Variants in NISCH observed in about 807,000 individuals in gnomAD.
NISCH encodes nischarin.
Under a neutral mutation model 138.4 loss-of-function variants are expected in NISCH, and 55 were observed. The observed-to-expected ratio is 0.40, with a 90% confidence interval of 0.32 to 0.50. The LOEUF is 0.50. Ranked by LOEUF, NISCH falls within the 20% of genes least tolerant of loss-of-function variation. The probability of loss-of-function intolerance (pLI) is 0.71; values close to 1 mark genes in which losing one functional copy is unlikely to be tolerated. For synonymous variants in NISCH, 860 were observed against 861.5 expected (o/e 1.00, Z 0.03); for missense variants, 1,643 against 2,005.5 (o/e 0.82, Z 3.45).
chr3:52,472,370 C>G lies in NISCH; in HGVS notation c.641C>G (p.Ser214Ter). 1 of 1,614,170 alleles carries G rather than the reference C, an allele frequency of 6.2e-7. No homozygotes were observed. The highest frequency in any genetic ancestry group is 8.5e-7 in the Non-Finnish European group (1 of 1,180,028). The change falls in exon 6 of 21, where the codon TCA becomes TGA. Residue 214 changes from serine (S) to a stop codon, truncating the protein, a stop_gained. Coordinates refer to ENST00000345716, the MANE Select transcript of NISCH (RefSeq NM_007184.4). LOFTEE classifies it high-confidence loss of function. ...IQEQLLPFDL[S>*]IFKSLHQVEI... The stretch of plus-strand genomic sequence containing the variant: ...GAGCAGCTCCTGCCGTTCGACCTAT[C>G]AATATTCAAGTCCCTGCATCAGGTG...
At chr3:52,472,659 T>G (rs1194184333) in intron 6 of NISCH, among the ~76,000 whole-genome samples, 1 of 152,184 alleles carries the variant, frequency 6.6e-6, no homozygotes, top group Non-Finnish European at 1.5e-5. Context: ...CCTGGCTCAT[T>G]CTAGGACTCC....
chr3:52,487,777 G>A lies in NISCH; in HGVS notation c.2285G>A (p.Cys762Tyr). 6.2e-6 allele frequency: 10 copies of A among 1,613,558 alleles called. No individual in the cohort carries two copies. The highest frequency in any genetic ancestry group is 8.5e-6 in the Non-Finnish European group (10 of 1,179,964). The change falls in exon 16 of 21, where the codon TGC becomes TAC. Residue 762 changes from cysteine to tyrosine, a missense_variant. Physicochemically the swap from Cys to Tyr is radical, Grantham distance 194. Coordinates refer to ENST00000345716, the MANE Select transcript of NISCH (RefSeq NM_007184.4). This position sits in a 1 kb window ranked among gnomAD's most constrained non-coding sequence, Gnocchi z 9.1. ...HILSSLRFVFCFPHGDLTEFG... is the reference protein window; with the variant it reads ...HILSSLRFVFYFPHGDLTEFG... Reference sequence around the variant, plus strand: ...CTCTCCTCCCTGCGCTTTGTCTTTTGCTTCCCGCATGGCGACCTCACCGAG... The same window carrying A: ...CTCTCCTCCCTGCGCTTTGTCTTTTACTTCCCGCATGGCGACCTCACCGAG...
At chr3:52,461,851 A>G (rs1019440016) in intron 3 of NISCH, among the ~76,000 whole-genome samples, 7 of 151,508 alleles carry the variant, frequency 4.6e-5, no homozygotes, top group Admixed American at 2.0e-4. Flanking sequence ...CGACAGAGCA[A>G]GACTCCGTCA....
rs1239467798 is a variant in NISCH, at chr3:52,478,515, C to G, written c.1240C>G (p.Leu414Val). 1 of 1,614,242 alleles carries G rather than the reference C, an allele frequency of 6.2e-7. No individual in the cohort carries two copies. Among genetic ancestry groups the G allele is most frequent in the Non-Finnish European group, 8.5e-7 (1 of 1,180,042 alleles). ...LEHVSLLNNP[L>V]SIIPDYRTKV... Reference sequence around the variant, plus strand: ...GCACGTGTCTCTGCTGAACAACCCTCTGAGCATCATCCCCGACTACCGGAC... The same window carrying G: ...GCACGTGTCTCTGCTGAACAACCCTGTGAGCATCATCCCCGACTACCGGAC... The change falls in exon 11 of 21, where the codon CTG (leucine) becomes GTG (valine). Residue 414 changes from leucine to valine, a missense_variant. Leu to Val is a conservative substitution (Grantham distance 32). Transcript: ENST00000345716.
Position 52,488,423 on chromosome 3 carries a change from G to A in NISCH, c.2931G>A (p.Gly977=). 1.2e-6 allele frequency: 2 copies of A among 1,613,790 alleles called. No homozygotes were observed. The highest frequency in any genetic ancestry group is 8.5e-7 in the Non-Finnish European group (1 of 1,180,018). Residue 977 remains glycine, a synonymous_variant, in exon 16 of 21, where the codon GGG becomes GGA. Transcript: ENST00000345716. ...ADGHVLELLV[G]YRFVTAIFVL... is the part of the protein sequence containing the mutation. Reference sequence around the variant, plus strand: ...GCCACGTGCTAGAGCTGCTCGTGGGGTACCGCTTTGTCACTGCCATCTTCG... The same window carrying A: ...GCCACGTGCTAGAGCTGCTCGTGGGATACCGCTTTGTCACTGCCATCTTCG...
At chr3:52,474,712 A>G (rs1159438786) in intron 7 of NISCH, among the ~76,000 whole-genome samples, 1 of 152,182 alleles carries the variant, frequency 6.6e-6, no homozygotes, top group East Asian at 1.9e-4. Flanking sequence ...GATTACAGGC[A>G]TGAGCCACTT....
Position 52,492,799 on chromosome 3 carries a change from C to A in NISCH, c.*317C>A. 2.6e-6 allele frequency: 1 copy of A among 388,494 alleles called. No individual in the cohort carries two copies. The allele number at this position is 388,494 out of a possible 1,614,324, so 24.1% of individuals were successfully genotyped here. Reference sequence around the variant, plus strand: ...GGTCTGACTTTCTCTTCTACACGTCCTTTCCTGAAGTGTCGAGTCCAGTCC... The same window carrying A: ...GGTCTGACTTTCTCTTCTACACGTCATTTCCTGAAGTGTCGAGTCCAGTCC... On this transcript the variant is annotated 3_prime_UTR_variant, in exon 21 of 21. Coordinates refer to ENST00000345716, the MANE Select transcript of NISCH (RefSeq NM_007184.4).
chr3:52,488,630 G>T (rs780073070), intron 16 of NISCH, 25 bp downstream of exon 16: 1 of 1,570,272 alleles, frequency 6.4e-7, no homozygotes, highest in African/African-American at 1.3e-5. Context: ...AGCTCTCAGG[G>T]GCCCCGGGGG....
chr3:52,471,373 G>A (rs555043273), intron 4 of NISCH: 17 of 278,648 alleles, frequency 6.1e-5, no homozygotes, highest in Admixed American at 2.9e-4. Flanking sequence ...GTGGAGCGAG[G>A]ACCAAGCAGC....
At position 52,492,748 on chromosome 3, in the gene NISCH, G is replaced by GTA. The variant is rs1267246317; in HGVS notation, c.*266_*267insTA. 8 of 503,388 alleles carry GTA rather than the reference G, an allele frequency of 1.6e-5. No homozygotes were observed. Among genetic ancestry groups the GTA allele is most frequent in the East Asian group, 1.6e-4 (5 of 31,932 alleles). 31.2% of individuals were successfully genotyped at this position (503,388 alleles called of 1,614,324 possible). A position where few individuals can be genotyped will look rare whatever the true frequency, so the allele number is the denominator to read the frequency against. On this transcript the variant is annotated 3_prime_UTR_variant, in exon 21 of 21. Coordinates refer to ENST00000345716, the MANE Select transcript of NISCH (RefSeq NM_007184.4). ...ACCAGTGTCGTGTCTGCTGTTGTGG[G>GTA]ACCGTTGTTAACACGTGACACTGTG...
At chr3:52,461,645 C>T (rs1012913538) in intron 3 of NISCH, among the ~76,000 whole-genome samples, 3 of 152,030 alleles carry the variant, frequency 2.0e-5, no homozygotes, top group Non-Finnish European at 4.4e-5. Flanking sequence ...GGGTGGATCA[C>T]GAGGTCAGGA....
intron 15 of NISCH, among the ~76,000 whole-genome samples, chr3:52,486,924 G>C (rs139352902): frequency 6.6e-6 from 1 of 152,208 alleles, no homozygotes; most frequent in Non-Finnish European, 1.5e-5. Context: ...GTGGGAACTC[G>C]TGTGGTCTGG....
In NISCH at chr3:52,455,652, C is replaced by A; in HGVS notation, c.11C>A (p.Ala4Glu). MAT[A>E]RTFGPEREAE... is the part of the protein sequence containing the mutation. ...GGCGGAGACCCGAACATGGCGACCGCGCGCACCTTCGGGCCCGAGCGGGAA... is the reference window on the plus strand; with the variant it reads ...GGCGGAGACCCGAACATGGCGACCGAGCGCACCTTCGGGCCCGAGCGGGAA... The change falls in exon 1 of 21, where the codon GCG becomes GAG. Residue 4 changes from alanine (A) to glutamate (E), a missense_variant. Transcript: ENST00000345716. 1 of 1,343,650 alleles carries A rather than the reference C, an allele frequency of 7.4e-7. No individual in the cohort carries two copies. 83.2% of individuals were successfully genotyped at this position (1,343,650 alleles called of 1,614,324 possible). A position where few individuals can be genotyped will look rare whatever the true frequency, so the allele number is the denominator to read the frequency against.
Position 52,478,145 on chromosome 3 carries a change from T to C in NISCH, c.1036T>C (p.Ser346Pro). The C allele has an allele frequency of 6.2e-7, 1 of 1,614,104 alleles. No homozygotes were observed. The highest frequency in any genetic ancestry group is 1.1e-5 in the South Asian group (1 of 91,070). ...HLDLSYNKLS[S>P]LEGLHTKLGN... ...GGACCTGTCCTACAACAAGCTCTCC[T>C]CCTTGGAAGGGCTTCACACCAAGCT... The change falls in exon 10 of 21, where the codon TCC (serine) becomes CCC (proline). Residue 346 changes from serine (S) to proline (P), a missense_variant. Coordinates refer to ENST00000345716, the MANE Select transcript of NISCH (RefSeq NM_007184.4).
chr3:52,483,346 G>A (rs1707325910), intron 13 of NISCH, among the ~76,000 whole-genome samples: 1 of 152,194 alleles, frequency 6.6e-6, no homozygotes, highest in Non-Finnish European at 1.5e-5. Flanking sequence ...GGGCTGTGGC[G>A]ATGCTGGGCT....
intron 13 of NISCH, among the ~76,000 whole-genome samples, chr3:52,483,781 T>A (rs1355233982): frequency 6.6e-6 from 1 of 152,220 alleles, no homozygotes; most frequent in Non-Finnish European, 1.5e-5. Flanking sequence ...GACGGGGTCA[T>A]GTCTAGTCAC....
In NISCH at chr3:52,478,289, C is replaced by G. The variant is rs1707163293; in HGVS notation, c.1173+7C>G. 6.2e-7 allele frequency: 1 copy of G among 1,613,202 alleles called. No homozygotes were observed. The highest frequency in any genetic ancestry group is 1.3e-5 in the African/African-American group (1 of 74,884). ...GGACAACAGGATCGAACAGGTGAGC[C>G]CAAGGACCTCACAGTTTTGGGATTT... On this transcript the variant is annotated splice_region_variant and intron_variant, in intron 10 of 20. Transcript: ENST00000345716.
chr3:52,460,124 T>C (rs1706589774), intron 3 of NISCH, among the ~76,000 whole-genome samples: 1 of 130,208 alleles, frequency 7.7e-6, no homozygotes, highest in African/African-American at 3.0e-5. Flanking sequence ...GAGGTTGCAG[T>C]AAGTCGAGAT....
chr3:52,488,779 A>G (rs1481126792), intron 16 of NISCH, among the ~76,000 whole-genome samples, 174 bp downstream of exon 16: 1 of 122,008 alleles, frequency 8.2e-6, no homozygotes, highest in Non-Finnish European at 1.6e-5. Flanking sequence ...GTTTGGTGCC[A>G]GGCTGCTCCT....
Sources: allele counts gnomAD v4.1 joint callset (sites outside exome capture counted in the v4.1 genomes callset), GRCh38; gene constraint gnomAD v4.1.1; non-coding constraint Gnocchi (gnomAD v3.1); transcripts MANE v1.5; gene names NCBI Gene and HGNC (gene_info 2026-07-23, HGNC 2026-07-21).